CPNE5: variants seen among roughly 807,000 people sequenced by gnomAD.
CPNE5 encodes copine-5.
A neutral mutation model predicts 81.1 loss-of-function variants in CPNE5; 42 were observed. That is an observed-to-expected ratio of 0.52 (90% confidence interval 0.40 to 0.67). The LOEUF is 0.67. Among genes scored for constraint, CPNE5 ranks in the 30% least tolerant of loss-of-function variants. CPNE5 has a pLI of 0.00. For missense variants in CPNE5, 612 were observed against 815.5 expected (o/e 0.75, Z 3.04); for synonymous variants, 313 against 321.5 (o/e 0.97, Z 0.28).
chr6:36,793,897 C>A (rs905599769), intron 7 of CPNE5, among the ~76,000 whole-genome samples: 1 of 152,206 alleles, frequency 6.6e-6, no homozygotes, highest in Non-Finnish European at 1.5e-5. Flanking sequence ...GCCCTGCACA[C>A]CCCCACCTCC....
At chr6:36,835,489 A>T (rs879469958) in intron 1 of CPNE5, among the ~76,000 whole-genome samples, 1 of 152,114 alleles carries the variant, frequency 6.6e-6, no homozygotes, top group Non-Finnish European at 1.5e-5. Flanking sequence ...TCACTTCCAA[A>T]ACAACCCTTA....
rs768157262 is a variant in CPNE5 at position 36,765,184 on chromosome 6, C to T, written c.779+151G>A. The stretch of plus-strand genomic sequence containing the variant: ...AGCTACTGCAGCAGAGGACCCCTCC[C>T]CCACCCTCCACACACACGCAAACCC... On this transcript the variant is annotated intron_variant, in intron 11 of 20. Coordinates refer to ENST00000244751, the MANE Select transcript of CPNE5 (RefSeq NM_020939.2). 1.3e-3 allele frequency: 951 copies of T among 722,480 alleles called. 15 individuals carry two copies. Among genetic ancestry groups the T allele is most frequent in the Admixed American group, 2.3e-3 (80 of 35,184 alleles). The allele number at this position is 722,480 out of a possible 1,614,324, so 44.8% of individuals were successfully genotyped here.
chr6:36,742,555 T>C, intron 20 of CPNE5, 69 bp from the exon 21 acceptor site: 1 of 1,558,246 alleles, frequency 6.4e-7, no homozygotes, highest in Non-Finnish European at 8.7e-7. Flanking sequence ...TCTCCAGGCC[T>C]GGGGTTGCAT....
chr6:36,810,632 G>T (rs980918274), intron 3 of CPNE5, among the ~76,000 whole-genome samples: 3 of 152,190 alleles, frequency 2.0e-5, no homozygotes, highest in South Asian at 2.1e-4. Flanking sequence ...ATCTGGCCAT[G>T]CCAGGCCTGC....
At chr6:36,767,441 G>A (rs1766658244) in intron 10 of CPNE5, among the ~76,000 whole-genome samples, 2 of 152,328 alleles carry the variant, frequency 1.3e-5, no homozygotes, top group African/African-American at 4.8e-5. Context: ...ACCCAGCTGA[G>A]GGTCTGAGCC....
At chr6:36,772,065 G>A (rs1200042171) in intron 10 of CPNE5, among the ~76,000 whole-genome samples, 2 of 152,074 alleles carry the variant, frequency 1.3e-5, no homozygotes, top group African/African-American at 4.8e-5. Flanking sequence ...AGGCCTCCGA[G>A]CCCTGCTGCC....
At chr6:36,768,650 G>A (rs914685190) in intron 10 of CPNE5, among the ~76,000 whole-genome samples, 4 of 152,168 alleles carry the variant, frequency 2.6e-5, no homozygotes, top group Admixed American at 1.3e-4. Flanking sequence ...CAAAAGCTGC[G>A]GTCCAGCTGA....
chr6:36,790,537 G>T (rs1768989492), intron 8 of CPNE5, among the ~76,000 whole-genome samples: 2 of 152,140 alleles, frequency 1.3e-5, no homozygotes, highest in South Asian at 4.1e-4. Flanking sequence ...GTAAAACAAG[G>T]CCACTCTTCT....
At position 36,804,584 on chromosome 6, in the gene CPNE5, AG is replaced by A. The variant is rs146817946; in HGVS notation, c.184-4515del. On this transcript the variant is annotated intron_variant, in intron 3 of 20. Transcript: ENST00000244751. ...TGCCCTCCTCCTTCAACAACCTCACAGCATCCCTCTAGCAGGATTTTAGATA... is the reference window on the plus strand; with the variant it reads ...TGCCCTCCTCCTTCAACAACCTCACACATCCCTCTAGCAGGATTTTAGATA... Among the ~76,000 whole-genome samples the A allele has an allele frequency of 6.0e-3, 912 of 152,260 alleles. 6 individuals carry two copies. The highest frequency in any genetic ancestry group is 0.019 in the African/African-American group (775 of 41,552).
At chr6:36,811,615 C>T (rs1210473430) in intron 3 of CPNE5, among the ~76,000 whole-genome samples, 1 of 152,210 alleles carries the variant, frequency 6.6e-6, no homozygotes, top group African/African-American at 2.4e-5. Context: ...CTATCAGCCA[C>T]CAGGGGACCT....
chr6:36,762,892 C>T (rs1337038683), intron 12 of CPNE5, 25 bp downstream of exon 12: 1 of 1,606,004 alleles, frequency 6.2e-7, no homozygotes, highest in Non-Finnish European at 8.5e-7. Context: ...TAGTGCAAAC[C>T]CTGGATTTCG....
chr6:36,751,693 G>T (rs1298710499), intron 14 of CPNE5, among the ~76,000 whole-genome samples: 1 of 152,216 alleles, frequency 6.6e-6, no homozygotes, highest in African/African-American at 2.4e-5. Context: ...TACTTGATAG[G>T]CTGAGGCAGG....
intron 6 of CPNE5, among the ~76,000 whole-genome samples, chr6:36,796,854 TG>T (rs560569323): frequency 2.8e-4 from 42 of 152,222 alleles, no homozygotes; most frequent in Middle Eastern, 3.4e-3. Context: ...CATGAGTTAC[TG>T]GGGGTCACGG....
chr6:36,757,949 T>C (rs16889055), intron 12 of CPNE5, among the ~76,000 whole-genome samples: 12,261 of 152,048 alleles, frequency 0.081, 544 homozygotes, highest in East Asian at 0.17. Flanking sequence ...GTGAAAAATG[T>C]CTGAATGTCA....
intron 3 of CPNE5, among the ~76,000 whole-genome samples, chr6:36,808,282 G>A (rs2150553383): frequency 6.6e-6 from 1 of 152,108 alleles, no homozygotes; most frequent in Non-Finnish European, 1.5e-5. Context: ...GTAGAGGCGG[G>A]GTTTGGCCAT....
intron 1 of CPNE5, among the ~76,000 whole-genome samples, chr6:36,831,216 G>A (rs1172579630): frequency 3.3e-5 from 5 of 151,424 alleles, no homozygotes; most frequent in African/African-American, 9.7e-5. Context: ...CACCACACCC[G>A]GCTAATTTTT....
chr6:36,771,664 T>G (rs1323986184), intron 10 of CPNE5, among the ~76,000 whole-genome samples: 1 of 152,148 alleles, frequency 6.6e-6, no homozygotes, highest in African/African-American at 2.4e-5. Context: ...AAGACACGGC[T>G]GCTGAATTAA....
chr6:36,830,154 A>T (rs540323820), intron 1 of CPNE5, among the ~76,000 whole-genome samples: 11 of 152,336 alleles, frequency 7.2e-5, no homozygotes, highest in Non-Finnish European at 1.2e-4. Flanking sequence ...GTCAAGAGGC[A>T]TGCAGAAATG....
intron 1 of CPNE5, among the ~76,000 whole-genome samples, chr6:36,825,361 G>A (rs1289248867): frequency 1.3e-5 from 2 of 152,058 alleles, no homozygotes; most frequent in African/African-American, 2.4e-5. Context: ...GCCCCCAAGA[G>A]AGGAATTCCC....
Sources: allele counts gnomAD v4.1 joint callset (sites outside exome capture counted in the v4.1 genomes callset), GRCh38; gene constraint gnomAD v4.1.1; transcripts MANE v1.5; gene names NCBI Gene and HGNC (gene_info 2026-07-23, HGNC 2026-07-21).